The following NIBAN1 variants were observed in gnomAD, a reference collection of about 807,000 sequenced individuals.
NIBAN1 encodes protein Niban 1.
In NIBAN1, 81 loss-of-function variants were observed where a neutral mutation model predicts 75.1. The observed-to-expected ratio is 1.08, with a 90% confidence interval of 0.90 to 1.30. NIBAN1 has a LOEUF of 1.30. Ranked by LOEUF, NIBAN1 falls within the 50% of genes most tolerant of loss-of-function variation. NIBAN1 has a pLI of 0.00. For synonymous variants in NIBAN1, 436 were observed against 424.8 expected, an observed-to-expected ratio of 1.03 and a Z score of -0.32; for missense variants, 1,133 against 1,128.1, an observed-to-expected ratio of 1.00 and a Z score of -0.06.
At chr1:184,892,798 G>T (rs1489330682) in intron 3 of NIBAN1, among the ~76,000 whole-genome samples, 2 of 151,916 alleles carry the variant, frequency 1.3e-5, no homozygotes, top group Non-Finnish European at 2.9e-5. Context: ...TTGAGATAGA[G>T]TCTCACTCTG....
chr1:184,833,847 A>C (rs896171304), intron 5 of NIBAN1, among the ~76,000 whole-genome samples: 1 of 151,914 alleles, frequency 6.6e-6, no homozygotes, highest in Non-Finnish European at 1.5e-5. Flanking sequence ...GGTTTTTTGA[A>C]AATTTTTTCT....
chr1:184,888,512 G>C (rs1656588994), intron 4 of NIBAN1, among the ~76,000 whole-genome samples: 1 of 152,194 alleles, frequency 6.6e-6, no homozygotes, highest in South Asian at 2.1e-4. Flanking sequence ...GATGCCATCA[G>C]TGAATTTTTT....
At position 184,872,621 on chromosome 1, in the gene NIBAN1, C is replaced by T. The variant is rs142081363; in HGVS notation, c.601+12012G>A. Among the ~76,000 whole-genome samples, 347 of 151,946 alleles carry T rather than the reference C, an allele frequency of 2.3e-3. 2 individuals are homozygous for T. Among genetic ancestry groups the T allele is most frequent in the Non-Finnish European group, 4.2e-3 (283 of 67,982 alleles). ...ACTTGGGAGGCTGAGACAGGAGAAT[C>T]GCTTGAACCCAGGAGGTGGAGGTTG... On this transcript the variant is annotated intron_variant, in intron 5 of 13. Coordinates refer to ENST00000367511, the MANE Select transcript of NIBAN1 (RefSeq NM_052966.4).
chr1:184,916,692 AATAAGACAAAAATAAAT>A, intron 1 of NIBAN1, among the ~76,000 whole-genome samples: 1 of 152,114 alleles, frequency 6.6e-6, no homozygotes, highest in East Asian at 1.9e-4. Flanking sequence ...TTATATTTAT[AATAAGACAAAAATAAAT>A]ATTTTTGTTA....
At chr1:184,870,508 C>G (rs1341839157) in intron 5 of NIBAN1, among the ~76,000 whole-genome samples, 1 of 152,094 alleles carries the variant, frequency 6.6e-6, no homozygotes, top group Admixed American at 6.6e-5. Context: ...TCAGGTTTAG[C>G]TTTTGAGTCA....
intron 1 of NIBAN1, among the ~76,000 whole-genome samples, chr1:184,915,384 C>T (rs1246060041): frequency 2.6e-5 from 4 of 152,186 alleles, no homozygotes; most frequent in Admixed American, 6.5e-5. Flanking sequence ...TCTGTACAAT[C>T]GCAGAGGGAG....
At chr1:184,934,235 A>G (rs1003325805) in intron 1 of NIBAN1, among the ~76,000 whole-genome samples, 2 of 152,170 alleles carry the variant, frequency 1.3e-5, no homozygotes, top group African/African-American at 4.8e-5. Flanking sequence ...ACCAAATACC[A>G]CATATTCTTA....
intron 1 of NIBAN1, among the ~76,000 whole-genome samples, chr1:184,968,320 C>T (rs1485234151): frequency 2.0e-5 from 3 of 152,072 alleles, no homozygotes; most frequent in African/African-American, 7.2e-5. Context: ...GGTTTCAATT[C>T]ACAAAGACCA....
chr1:184,796,203 C>G (rs1455781804), intron 13 of NIBAN1, 106 bp from the exon 14 acceptor site: 2 of 1,258,128 alleles, frequency 1.6e-6, no homozygotes. Context: ...CAAGACCCAG[C>G]TTACATCCAG....
intron 2 of NIBAN1, among the ~76,000 whole-genome samples, chr1:184,895,361 G>C (rs550217089): frequency 2.8e-4 from 42 of 152,188 alleles, no homozygotes; most frequent in African/African-American, 9.4e-4. Flanking sequence ...CCTCACGATA[G>C]ACTTACTATA....
chr1:184,923,992 T>C (rs187953114), intron 1 of NIBAN1, among the ~76,000 whole-genome samples: 38 of 152,144 alleles, frequency 2.5e-4, no homozygotes, highest in African/African-American at 8.7e-4. Flanking sequence ...TTCATATTTT[T>C]CTAAAGATAA....
At chr1:184,933,564 C>T (rs564788792) in intron 1 of NIBAN1, among the ~76,000 whole-genome samples, 1 of 152,324 alleles carries the variant, frequency 6.6e-6, no homozygotes, top group Non-Finnish European at 1.5e-5. Context: ...ACAAATAAGG[C>T]CTCCATAGAC....
chr1:184,795,172 C>T lies in NIBAN1; in HGVS notation c.2592G>A (p.Glu864=). 1.2e-6 allele frequency: 2 copies of T among 1,614,206 alleles called. No individual in the cohort carries two copies. Among genetic ancestry groups the T allele is most frequent in the South Asian group, 2.2e-5 (2 of 91,092 alleles). The stretch of plus-strand genomic sequence containing the variant: ...GGGCCGCGCTGCTTTGCCCTCCCAT[C>T]TCTTCTTGTTCCTCAGAAACCTGGC... ...SESQVSEEQE[E]MGGQSSAAQA... is the part of the protein sequence containing the mutation. Residue 864 remains glutamate (E), a synonymous_variant, in exon 14 of 14, where the codon GAG becomes GAA. Coordinates refer to ENST00000367511, the MANE Select transcript of NIBAN1 (RefSeq NM_052966.4).
intron 6 of NIBAN1, among the ~76,000 whole-genome samples, chr1:184,825,268 T>C (rs916674482): frequency 1.3e-5 from 2 of 152,180 alleles, no homozygotes; most frequent in African/African-American, 4.8e-5. Context: ...TCTAAGCAAA[T>C]GAAGATTTCA....
At chr1:184,961,276 A>G (rs1483360624) in intron 1 of NIBAN1, among the ~76,000 whole-genome samples, 1 of 150,798 alleles carries the variant, frequency 6.6e-6, no homozygotes, top group Non-Finnish European at 1.5e-5. Flanking sequence ...TTACCGTATT[A>G]GCCAGGATGG....
intron 1 of NIBAN1, among the ~76,000 whole-genome samples, chr1:184,918,697 A>G (rs78143942): frequency 6.0e-4 from 92 of 152,184 alleles, no homozygotes; most frequent in African/African-American, 2.0e-3. Context: ...TCCCTTTTCT[A>G]TATTTACCCA....
At chr1:184,934,845 A>T (rs1657913839) in intron 1 of NIBAN1, among the ~76,000 whole-genome samples, 1 of 151,754 alleles carries the variant, frequency 6.6e-6, no homozygotes, top group East Asian at 1.9e-4. Context: ...CAGTGAGCCA[A>T]GATCATGCCA....
At position 184,924,023 on chromosome 1, in the gene NIBAN1, A is replaced by G. The variant is rs371626297; in HGVS notation, c.56-24714T>C. 2.0e-5 allele frequency among the ~76,000 whole-genome samples: 3 copies of G among 151,984 alleles called. No homozygotes were observed. The East Asian group carries it at 5.8e-4, about 29-fold the overall frequency. ...GATAAGATCATGTCATCTACAAACA[A>G]GAATAATTTGATGTCTTCCTTTCCA... is the stretch of plus-strand genomic sequence containing the variant. On this transcript the variant is annotated intron_variant, in intron 1 of 13. Transcript: ENST00000367511.
At chr1:184,902,314 T>A (rs747175961) in intron 1 of NIBAN1, among the ~76,000 whole-genome samples, 3 of 152,190 alleles carry the variant, frequency 2.0e-5, no homozygotes, top group African/African-American at 7.2e-5. Flanking sequence ...CCATCTCTAC[T>A]ACTTGCCAGC....
Sources: allele counts gnomAD v4.1 joint callset (sites outside exome capture counted in the v4.1 genomes callset), GRCh38; gene constraint gnomAD v4.1.1; transcripts MANE v1.5; gene names NCBI Gene and HGNC (gene_info 2026-07-23, HGNC 2026-07-21).